The following RERE variants were observed in gnomAD, a reference collection of about 807,000 sequenced individuals.
RERE encodes arginine-glutamic acid dipeptide repeats.
In RERE, 40 loss-of-function variants were observed where a neutral mutation model predicts 146.1. The ratio of observed to expected loss-of-function variants is 0.27; its 90% confidence interval spans 0.21 to 0.36. RERE has a LOEUF of 0.36. Among genes scored for constraint, RERE ranks in the 10% least tolerant of loss-of-function variants. RERE has a pLI of 1.00. For missense variants in RERE, 1,933 were observed against 2,138.7 expected (o/e 0.90, Z 1.90); for synonymous variants, 1,003 against 866.0 (o/e 1.16, Z -2.78).
At chr1:8,393,279 T>C (rs1486591911) in intron 12 of RERE, among the ~76,000 whole-genome samples, 1 of 152,190 alleles carries the variant, frequency 6.6e-6, no homozygotes, top group Non-Finnish European at 1.5e-5. Context: ...AATACAACAG[T>C]TCTTATTTCC....
intron 1 of RERE, among the ~76,000 whole-genome samples, chr1:8,816,299 T>G (rs1641910123): frequency 6.6e-6 from 1 of 152,190 alleles, no homozygotes. Context: ...CAAAACTACT[T>G]TCTAAATGTA....
chr1:8,568,264 C>T (rs772404709), intron 4 of RERE, among the ~76,000 whole-genome samples: 36 of 152,238 alleles, frequency 2.4e-4, no homozygotes, highest in Admixed American at 1.4e-3. Flanking sequence ...AGCGGCCCCC[C>T]AGGCTCTCTG....
chr1:8,400,857 A>C (rs1302357468), intron 12 of RERE, among the ~76,000 whole-genome samples: 2 of 144,992 alleles, frequency 1.4e-5, no homozygotes, highest in Admixed American at 6.8e-5. Flanking sequence ...AAAAAAAAAA[A>C]AAACCCAAAA....
rs370157376 is a variant in RERE, at chr1:8,776,798, A to C, written c.-145+40362T>G. ...CAGTGGCACCATCACGGCTCACTGC[A>C]GCCTCGACCTCCCCGGGATCAGGTG... is the stretch of plus-strand genomic sequence containing the variant. On this transcript the variant is annotated intron_variant, in intron 1 of 22. Transcript: ENST00000400908. Among the ~76,000 whole-genome samples the C allele has an allele frequency of 2.2e-4, 33 of 152,114 alleles. No individual in the cohort carries two copies. The South Asian group carries it at 4.4e-3, about 20-fold the overall frequency.
intron 4 of RERE, among the ~76,000 whole-genome samples, chr1:8,585,408 G>C (rs1056877067): frequency 1.3e-5 from 2 of 152,104 alleles, no homozygotes; most frequent in South Asian, 2.1e-4. Context: ...AAGAGGCCCA[G>C]AAATAATAAA....
chr1:8,556,463 T>C lies in RERE; in HGVS notation c.725+12A>G, dbSNP rs1293369274. ...CCTCCTTCACATGGAAGAGCACGTC[T>C]CCAGTACTTACCTAAGGGCAGCAGC... On this transcript the variant is annotated intron_variant, in intron 6 of 22. Transcript: ENST00000400908. The C allele has an allele frequency of 1.3e-6, 2 of 1,500,878 alleles. No homozygotes were observed. Among genetic ancestry groups the C allele is most frequent in the East Asian group, 4.5e-5 (2 of 44,344 alleles). 93.0% of individuals were successfully genotyped at this position (1,500,878 alleles called of 1,614,324 possible).
In RERE at chr1:8,486,792, A is replaced by G. The variant is rs201554278; in HGVS notation, c.1104+8271T>C. On this transcript the variant is annotated intron_variant, in intron 10 of 22. Coordinates refer to ENST00000400908, the MANE Select transcript of RERE (RefSeq NM_001042681.2). ...AAAAAAGAAAAGAAAGAAAAGAAAA[A>G]AAGCACTTTCTATATAAAAAAATTT... 1.3e-4 allele frequency among the ~76,000 whole-genome samples: 19 copies of G among 151,628 alleles called. No homozygotes were observed. The East Asian group carries it at 3.7e-3, about 29-fold the overall frequency.
At chr1:8,644,044 C>T (rs1647220800) in intron 2 of RERE, among the ~76,000 whole-genome samples, 1 of 152,170 alleles carries the variant, frequency 6.6e-6, no homozygotes, top group African/African-American at 2.4e-5. Flanking sequence ...TTACCTATCA[C>T]ACACAAAGCA....
intron 1 of RERE, among the ~76,000 whole-genome samples, chr1:8,806,468 T>C (rs1159100608): frequency 1.3e-5 from 2 of 151,734 alleles, no homozygotes; most frequent in Non-Finnish European, 2.9e-5. Context: ...GAGGCGGAGG[T>C]TGCAGTGAGC....
Position 8,771,098 on chromosome 1 carries a change from C to G in RERE, c.-145+46062G>C, listed in dbSNP as rs557095508. Among the ~76,000 whole-genome samples the G allele has an allele frequency of 5.9e-5, 9 of 152,040 alleles. No homozygotes were observed. The East Asian group carries it at 1.5e-3, about 26-fold the overall frequency. ...GAAAATAACTACAGCAGTCAGAATC[C>G]ACTAAGGAGATGCAACAACCCACCT... is the stretch of plus-strand genomic sequence containing the variant. On this transcript the variant is annotated intron_variant, in intron 1 of 22. Transcript: ENST00000400908.
At chr1:8,510,296 CAGA>C (rs1645317507) in intron 7 of RERE, among the ~76,000 whole-genome samples, 1 of 151,790 alleles carries the variant, frequency 6.6e-6, no homozygotes, top group South Asian at 2.1e-4. Context: ...AGAGAAGACA[CAGA>C]AGGAGATAAT....
At chr1:8,505,292 T>C (rs1645235427) in intron 8 of RERE, among the ~76,000 whole-genome samples, 1 of 152,170 alleles carries the variant, frequency 6.6e-6, no homozygotes, top group East Asian at 1.9e-4. Context: ...TATTAAGAAA[T>C]TGGTAATTTT....
chr1:8,369,392 T>C (rs1641937395), intron 12 of RERE, among the ~76,000 whole-genome samples: 1 of 151,908 alleles, frequency 6.6e-6, no homozygotes, highest in South Asian at 2.1e-4. Context: ...CATCAACTTT[T>C]TGTTGACACT....
rs776153172 is a variant in RERE, at chr1:8,355,377, G to T, written c.4667+42C>A. The T allele has an allele frequency of 1.8e-5, 29 of 1,596,408 alleles. No homozygotes were observed. In the South Asian group the frequency reaches 2.0e-4, roughly 11 times the overall value. ...GCACACGGGGAGGTTGGGAGCCTGG[G>T]CTCAGATAACCCCTCCACTCCCTCC... On this transcript the variant is annotated intron_variant, in intron 22 of 22. Coordinates refer to ENST00000400908, the MANE Select transcript of RERE (RefSeq NM_001042681.2).
intron 12 of RERE, among the ~76,000 whole-genome samples, chr1:8,387,696 A>G (rs1457786953): frequency 1.3e-5 from 2 of 152,222 alleles, no homozygotes; most frequent in Non-Finnish European, 2.9e-5. Flanking sequence ...AAGGATGCTC[A>G]ATATGACTGG....
At chr1:8,629,966 G>A (rs1421473480) in intron 2 of RERE, among the ~76,000 whole-genome samples, 1 of 152,158 alleles carries the variant, frequency 6.6e-6, no homozygotes, top group African/African-American at 2.4e-5. Flanking sequence ...GCACAGCGGT[G>A]AAATGGGAAG....
At chr1:8,501,487 G>A (rs1415623857) in intron 8 of RERE, among the ~76,000 whole-genome samples, 2 of 102,956 alleles carry the variant, frequency 1.9e-5, no homozygotes, top group African/African-American at 4.6e-5. Flanking sequence ...CCGGCCAGCC[G>A]CCCCGTCCGG....
At chr1:8,812,855 G>A (rs1389441660) in intron 1 of RERE, among the ~76,000 whole-genome samples, 2 of 152,022 alleles carry the variant, frequency 1.3e-5, no homozygotes, top group South Asian at 2.1e-4. Flanking sequence ...TTGAACTTGA[G>A]TTGTGTTCAA....
chr1:8,542,867 T>C (rs1236337039), intron 6 of RERE, among the ~76,000 whole-genome samples: 1 of 152,198 alleles, frequency 6.6e-6, no homozygotes, highest in Non-Finnish European at 1.5e-5. Flanking sequence ...TTGGCAACTA[T>C]AGATTAGAAA....
Sources: allele counts gnomAD v4.1 joint callset (sites outside exome capture counted in the v4.1 genomes callset), GRCh38; gene constraint gnomAD v4.1.1; transcripts MANE v1.5; gene names NCBI Gene and HGNC (gene_info 2026-07-23, HGNC 2026-07-21).